SHROOM3: variants seen among roughly 807,000 people sequenced by gnomAD.
SHROOM3 encodes the protein protein Shroom3.
SHROOM3 carries 47 observed loss-of-function variants against 138.6 expected under a neutral mutation model. That is an observed-to-expected ratio of 0.34 (90% confidence interval 0.27 to 0.43). The LOEUF is 0.43. SHROOM3 is among the 20% of genes least tolerant of loss of function. The pLI, the probability that SHROOM3 is intolerant of heterozygous loss-of-function variation, is 1.00. For missense variants in SHROOM3, 2,491 were observed against 2,596.5 expected, an observed-to-expected ratio of 0.96 and a Z score of 0.88; for synonymous variants, 1,062 against 1,063.3, an observed-to-expected ratio of 1.00 and a Z score of 0.02.
chr4:76,529,032 C>G (rs1214261513), intron 1 of SHROOM3, among the ~76,000 whole-genome samples: 1 of 152,212 alleles, frequency 6.6e-6, no homozygotes, highest in Non-Finnish European at 1.5e-5. Flanking sequence ...CTGATGTTCA[C>G]AGTCTAAACT....
intron 1 of SHROOM3, among the ~76,000 whole-genome samples, chr4:76,502,977 A>G (rs1206104316): frequency 2.0e-5 from 3 of 152,066 alleles, no homozygotes; most frequent in Non-Finnish European, 2.9e-5. Context: ...CTTGTATGCT[A>G]TGTTCTATCC....
chr4:76,690,313 A>C (rs1719485553), intron 2 of SHROOM3, among the ~76,000 whole-genome samples: 3 of 151,728 alleles, frequency 2.0e-5, no homozygotes, highest in Admixed American at 6.6e-5. Context: ...CACCTGGAGC[A>C]CTCTCTGGGG....
chr4:76,676,084 G>C (rs1213187772), intron 2 of SHROOM3, among the ~76,000 whole-genome samples: 1 of 152,196 alleles, frequency 6.6e-6, no homozygotes, highest in Non-Finnish European at 1.5e-5. Context: ...ATAATATTCA[G>C]ATAAATTAGC....
chr4:76,639,444 G>T, intron 2 of SHROOM3: 1 of 396,452 alleles, frequency 2.5e-6, no homozygotes, highest in Non-Finnish European at 4.4e-6. Context: ...ACACGGGGGA[G>T]TTCTATTGTT....
At chr4:76,592,874 C>G (rs1039389652) in intron 2 of SHROOM3, among the ~76,000 whole-genome samples, 2 of 152,116 alleles carry the variant, frequency 1.3e-5, no homozygotes, top group Admixed American at 1.3e-4. Flanking sequence ...AATAAGGAGT[C>G]AATGTGCTTT....
chr4:76,608,663 T>TAGCATAGCACAGCACAGCACAGCAC (rs1560563360), intron 2 of SHROOM3, among the ~76,000 whole-genome samples: 1 of 31,384 alleles, frequency 3.2e-5, no homozygotes, highest in Admixed American at 5.7e-4. Context: ...TAGCATAGCA[T>TAGCATAGCACAGCACAGCACAGCAC]AGCACAGCAT....
In SHROOM3 at chr4:76,554,480, C is replaced by T. The variant is rs543391341; in HGVS notation, c.169-1129C>T. Among the ~76,000 whole-genome samples, 459 of 143,664 alleles carry T rather than the reference C, an allele frequency of 3.2e-3. 1 individual carries two copies. Among genetic ancestry groups the T allele is most frequent in the Non-Finnish European group, 4.2e-3 (283 of 66,894 alleles). The allele number at this position is 143,664 out of a possible 152,430, so 94.2% of individuals were successfully genotyped here. On this transcript the variant is annotated intron_variant, in intron 1 of 10. Coordinates refer to ENST00000296043, the MANE Select transcript of SHROOM3 (RefSeq NM_020859.4). ...TGTCACCCAGGCTGGAGTGCAGTGG[C>T]GTGATCTCAGCTCACTGCAAGCGTC...
At chr4:76,514,789 G>A (rs1237897505) in intron 1 of SHROOM3, among the ~76,000 whole-genome samples, 6 of 152,116 alleles carry the variant, frequency 3.9e-5, no homozygotes, top group East Asian at 1.9e-4. Flanking sequence ...ACAAGACAAC[G>A]AGGAAAGATG....
chr4:76,701,343 A>G (rs751190803), intron 2 of SHROOM3, among the ~76,000 whole-genome samples: 3 of 152,204 alleles, frequency 2.0e-5, no homozygotes, highest in Non-Finnish European at 2.9e-5. Context: ...TTAGGATCAC[A>G]GAATCCAAAG....
chr4:76,693,544 C>G (rs962729662), intron 2 of SHROOM3, among the ~76,000 whole-genome samples: 1 of 151,740 alleles, frequency 6.6e-6, no homozygotes, highest in Non-Finnish European at 1.5e-5. Context: ...CCACTATACC[C>G]AGCTAATTAT....
At position 76,740,939 on chromosome 4, in the gene SHROOM3, C is replaced by T; in HGVS notation, c.2766C>T (p.Arg922=). 5.3e-6 allele frequency: 8 copies of T among 1,496,736 alleles called. No homozygotes were observed. The highest frequency in any genetic ancestry group is 4.8e-5 in the East Asian group (2 of 41,870). 92.7% of individuals were successfully genotyped at this position (1,496,736 alleles called of 1,614,324 possible). Residue 922 remains arginine (R), a synonymous_variant, in exon 5 of 11, where the codon CGC becomes CGT. Transcript: ENST00000296043. This position sits in a 1 kb window ranked among gnomAD's most constrained non-coding sequence, Gnocchi z 4.0. ...ESPLLDAPFS[R]AYRNSIKDAQ... is the part of the protein sequence containing the mutation. ...CCCTGCTGGATGCCCCCTTCAGCCG[C>T]GCCTACCGGAACAGCATCAAGGACG...
chr4:76,759,532 C>G lies in SHROOM3; in HGVS notation c.5199-13C>G, dbSNP rs371645515. 205 of 1,613,788 alleles carry G rather than the reference C, an allele frequency of 1.3e-4. No individual in the cohort carries two copies. Among genetic ancestry groups the G allele is most frequent in the Non-Finnish European group, 1.3e-4 (157 of 1,179,928 alleles). ...GATCTGTGTGGCTATACTTTGTGCT[C>G]TTTTTGGCCCAGGAATGAAGACAAG... On this transcript the variant is annotated splice_polypyrimidine_tract_variant and intron_variant, in intron 8 of 10. Transcript: ENST00000296043.
chr4:76,436,196 C>G lies in SHROOM3; in HGVS notation c.144C>G (p.His48Gln). 1 of 1,613,980 alleles carries G rather than the reference C, an allele frequency of 6.2e-7. No individual in the cohort carries two copies. The highest frequency in any genetic ancestry group is 8.5e-7 in the Non-Finnish European group (1 of 1,179,912). ...WGFTLKGGLE[H>Q]GEPLIISKVE... is the part of the protein sequence containing the mutation. ...TTACTCTAAAGGGTGGCCTGGAGCA[C>G]GGAGAACCATTAATCATCTCTAAGG... The change falls in exon 1 of 11, where the codon CAC becomes CAG. Residue 48 changes from histidine (H) to glutamine (Q), a missense_variant. By Grantham distance (24) the His-to-Gln change is conservative (BLOSUM62 0). This residue lies in a region of SHROOM3 where 284 missense variants were observed against 322.8 expected (regional missense o/e 0.88). Transcript: ENST00000296043.
At chr4:76,510,605 C>T (rs911560684) in intron 1 of SHROOM3, among the ~76,000 whole-genome samples, 5 of 152,200 alleles carry the variant, frequency 3.3e-5, no homozygotes, top group African/African-American at 4.8e-5. Context: ...CATTGGTCAC[C>T]TGGCCTTGTC....
chr4:76,705,620 G>A (rs1029512672), intron 2 of SHROOM3, among the ~76,000 whole-genome samples: 1 of 152,194 alleles, frequency 6.6e-6, no homozygotes, highest in African/African-American at 2.4e-5. Flanking sequence ...AGAAATATGT[G>A]GGTGGCTGGC....
At chr4:76,762,005 G>A (rs986880535) in intron 9 of SHROOM3, among the ~76,000 whole-genome samples, 2 of 152,140 alleles carry the variant, frequency 1.3e-5, no homozygotes, top group Non-Finnish European at 2.9e-5. Flanking sequence ...TATAGGATTC[G>A]AGTCTATGGC....
At chr4:76,670,167 A>G (rs902991121) in intron 2 of SHROOM3, among the ~76,000 whole-genome samples, 2 of 152,248 alleles carry the variant, frequency 1.3e-5, no homozygotes, top group Non-Finnish European at 2.9e-5. Context: ...TATTCATCAT[A>G]GACCAAATGT....
intron 1 of SHROOM3, among the ~76,000 whole-genome samples, chr4:76,507,027 T>A (rs1054813968): frequency 3.3e-5 from 5 of 152,172 alleles, no homozygotes; most frequent in Non-Finnish European, 7.3e-5. Flanking sequence ...TTGTTTCACA[T>A]TATTAATGTC....
chr4:76,495,285 G>T (rs1196181657), intron 1 of SHROOM3, among the ~76,000 whole-genome samples: 2 of 152,238 alleles, frequency 1.3e-5, no homozygotes, highest in African/African-American at 4.8e-5. Context: ...TGGCTGCTGA[G>T]GCTCACAGCT....
Sources: gnomAD v4.1 joint callset for allele counts (sites outside exome capture counted in the v4.1 genomes callset) on GRCh38, gnomAD v4.1.1 for gene constraint, gnomAD v4.1.1 regional missense constraint, Gnocchi (gnomAD v3.1) non-coding constraint, MANE v1.5 for transcripts, NCBI Gene and HGNC (gene_info 2026-07-23, HGNC 2026-07-21) for gene names.